The following ZNF516 variants were observed in gnomAD, a reference collection of about 807,000 sequenced individuals.
The protein encoded by ZNF516 is zinc finger protein 516.
In ZNF516, 19 loss-of-function variants were observed where a neutral mutation model predicts 79.7. The ratio of observed to expected loss-of-function variants is 0.24; its 90% confidence interval spans 0.17 to 0.35. The LOEUF (loss-of-function observed/expected upper bound fraction) is 0.35. Among genes scored for constraint, ZNF516 ranks in the 10% least tolerant of loss-of-function variants. The pLI is 1.00. For synonymous variants in ZNF516, 877 were observed against 739.5 expected (o/e 1.19, Z -3.02); for missense variants, 1,678 against 1,679.5 (o/e 1.00, Z 0.02).
At chr18:76,447,636 A>G (rs1912137938) in intron 2 of ZNF516, among the ~76,000 whole-genome samples, 2 of 152,226 alleles carry the variant, frequency 1.3e-5, no homozygotes, top group African/African-American at 4.8e-5. Flanking sequence ...TGGAGGGTAC[A>G]GCATGTGTCC....
At chr18:76,457,677 AC>A (rs755407400) in intron 2 of ZNF516, among the ~76,000 whole-genome samples, 1 of 152,202 alleles carries the variant, frequency 6.6e-6, no homozygotes, top group Non-Finnish European at 1.5e-5. Flanking sequence ...TGATCATGCC[AC>A]TGCACTCCAT....
At chr18:76,463,533 T>C (rs1217224681) in intron 1 of ZNF516, among the ~76,000 whole-genome samples, 1 of 152,250 alleles carries the variant, frequency 6.6e-6, no homozygotes, top group East Asian at 1.9e-4. Flanking sequence ...GGACTGCGCT[T>C]GGTGTGCGCA....
chr18:76,390,739 C>T (rs2075059675), intron 3 of ZNF516, among the ~76,000 whole-genome samples: 1 of 152,184 alleles, frequency 6.6e-6, no homozygotes, highest in East Asian at 1.9e-4. Flanking sequence ...AGCCTGAGCA[C>T]TGCATTCCCC....
At chr18:76,386,294 G>C (rs188866605) in intron 3 of ZNF516, 2 of 152,008 alleles carry the variant, frequency 1.3e-5, no homozygotes, top group Non-Finnish European at 2.9e-5. Flanking sequence ...TGCTGGACCC[G>C]TCTGCAGTCA....
At chr18:76,444,656 A>C (rs1006145844) in intron 2 of ZNF516, among the ~76,000 whole-genome samples, 1 of 152,220 alleles carries the variant, frequency 6.6e-6, no homozygotes, top group Non-Finnish European at 1.5e-5. Flanking sequence ...GATGGGACAC[A>C]GAAAAGAATA....
At chr18:76,468,671 C>T (rs750378978) in intron 1 of ZNF516, among the ~76,000 whole-genome samples, 5 of 152,064 alleles carry the variant, frequency 3.3e-5, no homozygotes, top group South Asian at 2.1e-4. Context: ...CTACCCACCT[C>T]GGCCTCCCAA....
chr18:76,476,746 T>C lies in ZNF516; in HGVS notation c.-271-13605A>G, dbSNP rs530308999. On this transcript the variant is annotated intron_variant, in intron 1 of 6. Transcript: ENST00000443185. ...GGATGTTTTAATCAGAACACCTTCA[T>C]TTATTGTAATACTGAGGTCCCACCT... 7.2e-5 allele frequency among the ~76,000 whole-genome samples: 11 copies of C among 152,354 alleles called. No individual in the cohort carries two copies. In the South Asian group the frequency reaches 2.3e-3, roughly 32 times the overall value.
At chr18:76,453,468 A>G (rs1180773159) in intron 2 of ZNF516, among the ~76,000 whole-genome samples, 2 of 152,230 alleles carry the variant, frequency 1.3e-5, no homozygotes, top group African/African-American at 4.8e-5. Context: ...CTCCGTCTAC[A>G]TCTTACACTA....
Position 76,363,392 on chromosome 18 carries a change from G to A in ZNF516, c.3433-835C>T, listed in dbSNP as rs369370088. ...CTATAGGAACCCCAGAAATAATGGC[G>A]GAGTGGGGGAAGGTCTGGTTGACAT... On this transcript the variant is annotated intron_variant, in intron 6 of 6. Transcript: ENST00000443185. 4.6e-5 allele frequency among the ~76,000 whole-genome samples: 7 copies of A among 152,154 alleles called. No individual in the cohort carries two copies. In the East Asian group the frequency reaches 1.2e-3, roughly 25 times the overall value.
chr18:76,360,695 T>C lies in ZNF516; in HGVS notation c.*1803A>G, dbSNP rs1321647287. Reference sequence around the variant, plus strand: ...TATATATATAAGCTAGCCAGTTACATTGCATCGTTTGAAAGTGTTGCAAAG... The same window carrying C: ...TATATATATAAGCTAGCCAGTTACACTGCATCGTTTGAAAGTGTTGCAAAG... On this transcript the variant is annotated 3_prime_UTR_variant, in exon 7 of 7. Coordinates refer to ENST00000443185, the MANE Select transcript of ZNF516 (RefSeq NM_014643.4). 2.3e-5 allele frequency: 3 copies of C among 133,298 alleles called. No homozygotes were observed. The highest frequency in any genetic ancestry group is 7.8e-5 in the Admixed American group (1 of 12,804). The allele number at this position is 133,298 out of a possible 1,614,324, so 8.3% of individuals were successfully genotyped here.
intron 3 of ZNF516, among the ~76,000 whole-genome samples, chr18:76,430,791 A>T (rs895098957): frequency 2.0e-5 from 3 of 152,252 alleles, no homozygotes; most frequent in Non-Finnish European, 2.9e-5. Flanking sequence ...TAACACTCAG[A>T]TTTGGCACAT....
At chr18:76,409,097 C>A (rs977711317) in intron 3 of ZNF516, among the ~76,000 whole-genome samples, 2 of 152,086 alleles carry the variant, frequency 1.3e-5, no homozygotes, top group Non-Finnish European at 2.9e-5. Flanking sequence ...TATATAAAAT[C>A]TCCCTAATAT....
chr18:76,475,611 G>A lies in ZNF516; in HGVS notation c.-271-12470C>T, dbSNP rs183259408. Among the ~76,000 whole-genome samples the A allele has an allele frequency of 1.8e-3, 267 of 152,208 alleles. 1 individual carries two copies. Among genetic ancestry groups the A allele is most frequent in the African/African-American group, 6.1e-3 (253 of 41,514 alleles). ...AACAGGAGACAGGACAAAGAAAGGC[G>A]GCTCCACAGGGCAGCAGCCAGCTGG... On this transcript the variant is annotated intron_variant, in intron 1 of 6. Transcript: ENST00000443185.
chr18:76,457,359 C>T (rs2145646168), intron 2 of ZNF516, among the ~76,000 whole-genome samples: 1 of 152,350 alleles, frequency 6.6e-6, no homozygotes, highest in South Asian at 2.1e-4. Context: ...TCTTAAATCC[C>T]TTAAGGGAAA....
intron 1 of ZNF516, among the ~76,000 whole-genome samples, chr18:76,469,448 T>A (rs1054741756): frequency 5.9e-5 from 9 of 152,214 alleles, no homozygotes; most frequent in Non-Finnish European, 8.8e-5. Flanking sequence ...CATATTTTCC[T>A]TTCTACATTG....
At chr18:76,455,931 C>T (rs1302881461) in intron 2 of ZNF516, among the ~76,000 whole-genome samples, 2 of 152,214 alleles carry the variant, frequency 1.3e-5, no homozygotes, top group Non-Finnish European at 2.9e-5. Flanking sequence ...TTCCATTATT[C>T]TTTAATAAAC....
At chr18:76,495,601 CAGCGG>C, upstream of ZNF516, 1 of 407,146 alleles carries the variant, frequency 2.5e-6, no homozygotes, top group Non-Finnish European at 4.0e-6. Flanking sequence ...ATCACGGTTC[CAGCGG>C]CCAGTGGTCG....
intron 3 of ZNF516, among the ~76,000 whole-genome samples, chr18:76,411,040 C>T (rs540565708): frequency 6.6e-6 from 1 of 152,328 alleles, no homozygotes; most frequent in Non-Finnish European, 1.5e-5. Flanking sequence ...AGCTTTGCTG[C>T]TATGAAATGC....
At chr18:76,398,468 C>T (rs899209044) in intron 3 of ZNF516, among the ~76,000 whole-genome samples, 3 of 152,102 alleles carry the variant, frequency 2.0e-5, no homozygotes, top group Admixed American at 6.5e-5. Flanking sequence ...GCACAAAGGC[C>T]GTACATGAAG....
Sources: gnomAD v4.1 joint callset for allele counts (sites outside exome capture counted in the v4.1 genomes callset) on GRCh38, gnomAD v4.1.1 for gene constraint, MANE v1.5 for transcripts, NCBI Gene and HGNC (gene_info 2026-07-23, HGNC 2026-07-21) for gene names.